The following C13orf42 variants were observed in gnomAD, a reference collection of about 807,000 sequenced individuals.
C13orf42 encodes the protein uncharacterized protein C13orf42.
At chr13:51,144,380 T>C (rs1255352548) in intron 1 of C13orf42, among the ~76,000 whole-genome samples, 1 of 121,704 alleles carries the variant, frequency 8.2e-6, no homozygotes, top group East Asian at 2.2e-4. Context: ...AACAATTTAG[T>C]GTACTCTTAT....
intron 1 of C13orf42, among the ~76,000 whole-genome samples, chr13:51,090,730 G>C (rs536024375): frequency 6.6e-6 from 1 of 152,294 alleles, no homozygotes; most frequent in Admixed American, 6.5e-5. Flanking sequence ...AATTGTTAAA[G>C]AGTTAGGAAA....
intron 1 of C13orf42, among the ~76,000 whole-genome samples, chr13:51,145,819 C>A (rs1234394453): frequency 2.0e-5 from 3 of 152,338 alleles, no homozygotes; most frequent in South Asian, 4.1e-4. Flanking sequence ...CCTTTCCAGA[C>A]CGAACCAATG....
At chr13:51,085,784 T>G (rs1437839670) in intron 2 of C13orf42, among the ~76,000 whole-genome samples, 1 of 152,224 alleles carries the variant, frequency 6.6e-6, no homozygotes, top group Non-Finnish European at 1.5e-5. Flanking sequence ...GTGCGGGGGC[T>G]CACGCCTGTA....
At position 51,141,017 on chromosome 13, in the gene C13orf42, TA is replaced by T. The variant is rs200535710; in HGVS notation, n.137-27796del. 9.3e-3 allele frequency among the ~76,000 whole-genome samples: 1,401 copies of T among 151,344 alleles called. 22 individuals carry two copies. Among genetic ancestry groups the T allele is most frequent in the African/African-American group, 0.033 (1,342 of 41,152 alleles). ...CCTAGCTGAAATATGGTAATAAGAT[TA>T]AAAAAAATTTTTTTTTTTTGTTAAA... On this transcript the variant is annotated intron_variant and non_coding_transcript_variant, in intron 1 of 4. Coordinates refer to the C13orf42 transcript ENST00000433280.
chr13:51,142,714 C>G (rs1454400981), intron 1 of C13orf42, among the ~76,000 whole-genome samples: 1 of 148,846 alleles, frequency 6.7e-6, no homozygotes, highest in Non-Finnish European at 1.5e-5. Context: ...GTAAAAGGAA[C>G]CAGGAACTAA....
intron 1 of C13orf42, among the ~76,000 whole-genome samples, chr13:51,161,380 G>C (rs1034037456): frequency 6.6e-6 from 1 of 151,968 alleles, no homozygotes; most frequent in Admixed American, 6.6e-5. Context: ...GACCCATGAG[G>C]GCCTTACCCA....
At chr13:51,169,797 T>C (rs1169075774) in intron 1 of C13orf42, among the ~76,000 whole-genome samples, 1 of 152,234 alleles carries the variant, frequency 6.6e-6, no homozygotes, top group East Asian at 1.9e-4. Context: ...CTTGGAAGCC[T>C]CTGCCTAGAT....
chr13:51,132,116 G>A (rs543491603), intron 1 of C13orf42, among the ~76,000 whole-genome samples: 1 of 152,282 alleles, frequency 6.6e-6, no homozygotes, highest in Non-Finnish European at 1.5e-5. Flanking sequence ...CTTTACTGTT[G>A]TGGAATATAT....
Position 51,166,491 on chromosome 13 carries a change from C to T in C13orf42, n.136+5762G>A, listed in dbSNP as rs544204389. ...ATAGCATCGGGAGACATACCTAATG[C>T]TAGATGACGAGTTAGTGGGTGCAGC... On this transcript the variant is annotated intron_variant and non_coding_transcript_variant, in intron 1 of 4. Coordinates refer to the C13orf42 transcript ENST00000433280. Among the ~76,000 whole-genome samples, 12 of 144,130 alleles carry T rather than the reference C, an allele frequency of 8.3e-5. No homozygotes were observed. In the East Asian group the frequency reaches 2.2e-3, roughly 27 times the overall value. 94.6% of individuals were successfully genotyped at this position (144,130 alleles called of 152,430 possible). A position where few individuals can be genotyped will look rare whatever the true frequency, so the allele number is the denominator to read the frequency against.
In C13orf42 at chr13:51,159,850, TG is replaced by T. The variant is rs374398902; in HGVS notation, n.136+12402del. Among the ~76,000 whole-genome samples, 136 of 152,310 alleles carry T rather than the reference TG, an allele frequency of 8.9e-4. 1 individual carries two copies. The East Asian group carries it at 0.022, about 25-fold the overall frequency. On this transcript the variant is annotated intron_variant and non_coding_transcript_variant, in intron 1 of 4. Coordinates refer to the C13orf42 transcript ENST00000433280. ...GCTGCTGATAAAGACATACTGAAAC[TG>T]GGAACAAAAAGAGGTTTAATTGGAC... is the stretch of plus-strand genomic sequence containing the variant.
intron 1 of C13orf42, among the ~76,000 whole-genome samples, chr13:51,118,289 C>T (rs1051456643): frequency 6.6e-6 from 1 of 152,326 alleles, no homozygotes; most frequent in African/African-American, 2.4e-5. Flanking sequence ...TAGCTTTTCA[C>T]AAGATCAAAG....
chr13:51,089,271 T>A (rs1208940132), intron 1 of C13orf42, among the ~76,000 whole-genome samples: 1 of 152,184 alleles, frequency 6.6e-6, no homozygotes, highest in Admixed American at 6.5e-5. Context: ...CCTTTTATAC[T>A]TGCAAAATAT....
At chr13:51,100,943 TTAA>T (rs2137990514) in intron 1 of C13orf42, among the ~76,000 whole-genome samples, 1 of 152,292 alleles carries the variant, frequency 6.6e-6, no homozygotes, top group South Asian at 2.1e-4. Flanking sequence ...CAAAAAGTAG[TTAA>T]TGAGATGGAA....
chr13:51,117,329 G>A lies in C13orf42; in HGVS notation n.137-4107C>T, dbSNP rs1199063779. On this transcript the variant is annotated intron_variant and non_coding_transcript_variant, in intron 1 of 4. Coordinates refer to the C13orf42 transcript ENST00000433280. ...AAATTGAGTTTCATAAATCATTGTA[G>A]GAATAGATCTCATTTTCCAAAAATG... Among the ~76,000 whole-genome samples, 3 of 152,112 alleles carry A rather than the reference G, an allele frequency of 2.0e-5. No individual in the cohort carries two copies. The East Asian group carries it at 5.8e-4, about 29-fold the overall frequency.
rs1408115923 is a variant in C13orf42 at position 51,085,447 on chromosome 13, A to T, written c.675T>A (p.Phe225Leu). Residue 225 changes from phenylalanine to leucine, a missense_variant, in exon 3 of 4, where the codon TTT becomes TTA. Coordinates refer to ENST00000563710, the MANE Select transcript of C13orf42 (RefSeq NM_001351589.3). Reference sequence around the variant, plus strand: ...CGGTCCTGTGCTCGGTGCTCCTTCGAAACTGGCCGTCTACAGTATGCACAG... The same window carrying T: ...CGGTCCTGTGCTCGGTGCTCCTTCGTAACTGGCCGTCTACAGTATGCACAG... ...AHTVHTVDGQFRRSTEHRTVG... is the reference protein window; with the variant it reads ...AHTVHTVDGQLRRSTEHRTVG... 2.5e-6 allele frequency: 1 copy of T among 398,508 alleles called. No homozygotes were observed. Among genetic ancestry groups the T allele is most frequent in the African/African-American group, 2.1e-5 (1 of 48,636 alleles). The allele number at this position is 398,508 out of a possible 1,614,324, so 24.7% of individuals were successfully genotyped here.
At chr13:51,088,230 T>C (rs1953150407) in intron 1 of C13orf42, among the ~76,000 whole-genome samples, 155 bp from the exon 2 acceptor site, 1 of 152,178 alleles carries the variant, frequency 6.6e-6, no homozygotes. Context: ...GGAAGGAAGG[T>C]AGATACTCCA....
intron 1 of C13orf42, among the ~76,000 whole-genome samples, chr13:51,157,872 C>T (rs1427640998): frequency 6.6e-6 from 1 of 152,168 alleles, no homozygotes; most frequent in Admixed American, 6.5e-5. Context: ...GATTTAAAAT[C>T]TCTCAGAGGA....
At chr13:51,153,619 C>CTGTTTTT (rs1953799204) in intron 1 of C13orf42, among the ~76,000 whole-genome samples, 2 of 94,846 alleles carry the variant, frequency 2.1e-5, no homozygotes. Flanking sequence ...TTCTTGCTTT[C>CTGTTTTT]TGTTTTTTTT....
chr13:51,101,450 T>G (rs185720149), intron 1 of C13orf42, among the ~76,000 whole-genome samples: 36 of 152,316 alleles, frequency 2.4e-4, no homozygotes, highest in Non-Finnish European at 4.9e-4. Flanking sequence ...AATTACATAA[T>G]GGCTATTTTA....
Sources: gnomAD v4.1 joint callset for allele counts (sites outside exome capture counted in the v4.1 genomes callset) on GRCh38, gnomAD v4.1.1 for gene constraint, MANE v1.5 for transcripts, NCBI Gene and HGNC (gene_info 2026-07-23, HGNC 2026-07-21) for gene names.